The following NHSL1 variants were observed in gnomAD, a reference collection of about 807,000 sequenced individuals.
NHSL1 encodes the protein NHS-like protein 1.
In NHSL1, 48 loss-of-function variants were observed where a neutral mutation model predicts 95.0. The ratio of observed to expected loss-of-function variants is 0.51; its 90% confidence interval spans 0.40 to 0.64. NHSL1 has a LOEUF of 0.64. Ranked by LOEUF, NHSL1 falls within the 30% of genes least tolerant of loss-of-function variation. The pLI is 0.00. For missense variants in NHSL1, 1,971 were observed against 2,077.7 expected (o/e 0.95, Z 1.00); for synonymous variants, 783 against 833.9 (o/e 0.94, Z 1.05).
intron 1 of NHSL1, among the ~76,000 whole-genome samples, chr6:138,600,122 C>T (rs1001337488): frequency 3.3e-5 from 5 of 151,724 alleles, no homozygotes; most frequent in Non-Finnish European, 4.4e-5. Context: ...CCAGCCTGGG[C>T]AACAGAGCAA....
upstream of NHSL1, among the ~76,000 whole-genome samples, chr6:138,504,165 T>C (rs9484167): frequency 0.026 from 3,902 of 152,090 alleles, 169 homozygotes; most frequent in African/African-American, 0.089. Context: ...AGCCCAGAAG[T>C]TTGAGGTTGC....
chr6:138,598,141 C>A (rs1784324714), intron 1 of NHSL1, among the ~76,000 whole-genome samples: 1 of 151,900 alleles, frequency 6.6e-6, no homozygotes, highest in African/African-American at 2.4e-5. Flanking sequence ...TGTAGAGATA[C>A]CCCATCTCTA....
chr6:138,422,894 C>A lies in NHSL1; in HGVS notation c.*1187G>T, dbSNP rs994564636. ...GTTTATTTGACTAACAAGAGCTATTCAGCATTTTCTTCAAAGTAAGATAAT... is the reference window on the plus strand; with the variant it reads ...GTTTATTTGACTAACAAGAGCTATTAAGCATTTTCTTCAAAGTAAGATAAT... On this transcript the variant is annotated 3_prime_UTR_variant, in exon 8 of 8. Coordinates refer to ENST00000343505, the MANE Select transcript of NHSL1 (RefSeq NM_001144060.2). 1 of 151,910 alleles carries A rather than the reference C, an allele frequency of 6.6e-6. No individual in the cohort carries two copies. The highest frequency in any genetic ancestry group is 2.4e-5 in the African/African-American group (1 of 41,394). The allele number at this position is 151,910 out of a possible 1,614,324, so 9.4% of individuals were successfully genotyped here.
chr6:138,488,424 A>C (rs2128275397), intron 2 of NHSL1, among the ~76,000 whole-genome samples: 1 of 152,320 alleles, frequency 6.6e-6, no homozygotes, highest in East Asian at 1.9e-4. Flanking sequence ...TGTATTTATT[A>C]ATTTCAAATG....
chr6:138,691,260 G>A (rs575290713), intron 1 of NHSL1, among the ~76,000 whole-genome samples: 22 of 152,224 alleles, frequency 1.4e-4, no homozygotes, highest in African/African-American at 5.3e-4. Context: ...GCTCTCCCAG[G>A]TTGGGAACTG....
At chr6:138,529,130 C>T (rs1265463814) in intron 1 of NHSL1, among the ~76,000 whole-genome samples, 3 of 152,156 alleles carry the variant, frequency 2.0e-5, no homozygotes, top group Admixed American at 6.5e-5. Flanking sequence ...TCCGCTGGGG[C>T]CTTTAGAAGT....
Position 138,647,714 on chromosome 6 carries a change from C to T in NHSL1, c.96+44762G>A, listed in dbSNP as rs141553408. 4.4e-3 allele frequency among the ~76,000 whole-genome samples: 665 copies of T among 151,460 alleles called. 13 individuals are homozygous for T. The East Asian group carries it at 0.073, about 17-fold the overall frequency. ...CCTCAGGGTTCAAGTGATTCTCCTG[C>T]CTCCGCCTCCCGAGTAGCTGGGATT... On this transcript the variant is annotated intron_variant, in intron 1 of 3. Transcript: ENST00000491526.
At chr6:138,614,598 A>T (rs1784554463) in intron 1 of NHSL1, among the ~76,000 whole-genome samples, 1 of 152,126 alleles carries the variant, frequency 6.6e-6, no homozygotes, top group Non-Finnish European at 1.5e-5. Context: ...TTCCCATTTC[A>T]ACCGAGGAAA....
At chr6:138,675,254 G>C (rs560030160) in intron 1 of NHSL1, among the ~76,000 whole-genome samples, 1 of 152,122 alleles carries the variant, frequency 6.6e-6, no homozygotes, top group Non-Finnish European at 1.5e-5. Context: ...AGAGCCTAAA[G>C]CTCTCAGTCC....
chr6:138,505,485 C>T (rs1442589408), intron 1 of NHSL1, among the ~76,000 whole-genome samples: 1 of 151,844 alleles, frequency 6.6e-6, no homozygotes, highest in Non-Finnish European at 1.5e-5. Context: ...GAAACCCCGT[C>T]TCTGCTAAAA....
chr6:138,530,134 C>A (rs1253295164), intron 1 of NHSL1, among the ~76,000 whole-genome samples: 1 of 152,090 alleles, frequency 6.6e-6, no homozygotes. Flanking sequence ...GAGGTGGGGC[C>A]TTTGGAAGGT....
intron 1 of NHSL1, among the ~76,000 whole-genome samples, chr6:138,647,602 CTTT>C (rs368149578): frequency 2.2e-5 from 3 of 136,182 alleles, no homozygotes; most frequent in Non-Finnish European, 3.2e-5. Flanking sequence ...ATATTTCTCA[CTTT>C]TTTTTTTTTT....
intron 1 of NHSL1, among the ~76,000 whole-genome samples, chr6:138,637,236 C>T (rs553639532): frequency 5.9e-5 from 9 of 152,222 alleles, no homozygotes; most frequent in South Asian, 2.1e-4. Context: ...TCACCACATA[C>T]AAAAATCAAA....
chr6:138,563,100 CATCT>C (rs1446137931), intron 1 of NHSL1, among the ~76,000 whole-genome samples: 4 of 152,082 alleles, frequency 2.6e-5, no homozygotes, highest in African/African-American at 9.7e-5. Flanking sequence ...TGCTTCCCCA[CATCT>C]GTTTCTCTGC....
chr6:138,681,192 T>C (rs1339425069), intron 1 of NHSL1, among the ~76,000 whole-genome samples: 3 of 152,130 alleles, frequency 2.0e-5, no homozygotes, highest in African/African-American at 7.2e-5. Flanking sequence ...AACCCAGAAA[T>C]TGTGTGTATA....
chr6:138,562,680 A>C (rs1783459050), intron 1 of NHSL1, among the ~76,000 whole-genome samples: 1 of 152,094 alleles, frequency 6.6e-6, no homozygotes, highest in Non-Finnish European at 1.5e-5. Context: ...AAAAATATAT[A>C]GCCTAACATG....
At chr6:138,638,995 C>A (rs866275492) in intron 1 of NHSL1, among the ~76,000 whole-genome samples, 1 of 152,148 alleles carries the variant, frequency 6.6e-6, no homozygotes, top group Admixed American at 6.5e-5. Flanking sequence ...TGGTAAAATA[C>A]TTTTCTTCTT....
At chr6:138,489,825 G>GGAGAGAGGGA (rs1779931725) in intron 2 of NHSL1, among the ~76,000 whole-genome samples, 2 of 76,204 alleles carry the variant, frequency 2.6e-5, no homozygotes. Context: ...AGGGAGAGAG[G>GGAGAGAGGGA]GAGAGAGAGA....
At chr6:138,434,410 TAA>T (rs373971787) in intron 5 of NHSL1, among the ~76,000 whole-genome samples, 12 of 138,420 alleles carry the variant, frequency 8.7e-5, no homozygotes, top group Admixed American at 2.2e-4. Context: ...AATAGTATGT[TAA>T]AAAAAAAAAA....
Sources: allele counts gnomAD v4.1 joint callset (sites outside exome capture counted in the v4.1 genomes callset), GRCh38; gene constraint gnomAD v4.1.1; transcripts MANE v1.5; gene names NCBI Gene and HGNC (gene_info 2026-07-23, HGNC 2026-07-21).